Variants in RBFOX3 observed in about 807,000 individuals in gnomAD.
RBFOX3 encodes RNA binding fox-1 homolog 3, also known as RNA binding protein fox-1 homolog 3.
Under a neutral mutation model 48.7 loss-of-function variants are expected in RBFOX3, and 17 were observed. That is an observed-to-expected ratio of 0.35 (90% CI 0.24 to 0.52). RBFOX3 has a LOEUF of 0.52. Among genes scored for constraint, RBFOX3 ranks in the 20% least tolerant of loss-of-function variants. The probability of loss-of-function intolerance (pLI) is 0.94; values close to 1 mark genes in which losing one functional copy is unlikely to be tolerated. For synonymous variants in RBFOX3, 212 were observed against 209.5 expected (o/e 1.01, Z -0.10); for missense variants, 382 against 497.5 (o/e 0.77, Z 2.21).
At chr17:79,508,131 G>A (rs1351082722) in intron 1 of RBFOX3, among the ~76,000 whole-genome samples, 4 of 152,334 alleles carry the variant, frequency 2.6e-5, no homozygotes, top group Non-Finnish European at 5.9e-5. Context: ...CGGTGAAACC[G>A]GGGCAGAAAG....
At chr17:79,349,066 C>T (rs1360088433) in intron 2 of RBFOX3, among the ~76,000 whole-genome samples, 1 of 152,104 alleles carries the variant, frequency 6.6e-6, no homozygotes, top group Non-Finnish European at 1.5e-5. Context: ...CAACTCACTG[C>T]CAAGTCCAGT....
chr17:79,585,536 G>A (rs919297564), intron 1 of RBFOX3, among the ~76,000 whole-genome samples: 8 of 152,142 alleles, frequency 5.3e-5, no homozygotes, highest in East Asian at 1.9e-4. Flanking sequence ...CAGCCTGGGC[G>A]ACAACAGCGA....
At chr17:79,486,304 G>A (rs1008968576) in intron 1 of RBFOX3, among the ~76,000 whole-genome samples, 2 of 152,280 alleles carry the variant, frequency 1.3e-5, no homozygotes, top group East Asian at 1.9e-4. Flanking sequence ...GGGACAAAAG[G>A]GTCCAGTCTG....
chr17:79,235,028 G>C (rs1199471657), intron 4 of RBFOX3: 1 of 152,020 alleles, frequency 6.6e-6, no homozygotes, highest in East Asian at 1.9e-4. Flanking sequence ...CACCAAGCCC[G>C]GTCCATTAAA....
At chr17:79,396,215 A>C (rs958478061) in intron 2 of RBFOX3, among the ~76,000 whole-genome samples, 1 of 152,214 alleles carries the variant, frequency 6.6e-6, no homozygotes, top group African/African-American at 2.4e-5. Context: ...AGTGGAAGGA[A>C]AGATACCCTT....
At chr17:79,427,498 G>A (rs1356206625) in intron 2 of RBFOX3, among the ~76,000 whole-genome samples, 10 of 152,208 alleles carry the variant, frequency 6.6e-5, no homozygotes, top group African/African-American at 1.7e-4. Flanking sequence ...GGCCGAATAC[G>A]CTTGGGAGCT....
intron 4 of RBFOX3, chr17:79,234,453 T>C (rs535417659): frequency 6.6e-6 from 1 of 152,276 alleles, no homozygotes; most frequent in East Asian, 1.9e-4. Flanking sequence ...CCAACTTTTC[T>C]AGTTTTGGCT....
At position 79,477,353 on chromosome 17, in the gene RBFOX3, G is replaced by C. The variant is rs1376363195; in HGVS notation, c.-175+5101C>G. Reference sequence around the variant, plus strand: ...AGGTGGATCACGAGGTCAGGAGATCGAGATCATCCTGGCTAACACGGTGAA... The same window carrying C: ...AGGTGGATCACGAGGTCAGGAGATCCAGATCATCCTGGCTAACACGGTGAA... On this transcript the variant is annotated intron_variant, in intron 2 of 14. Coordinates refer to ENST00000693108, the MANE Select transcript of RBFOX3 (RefSeq NM_001350451.2). This position sits in a 1 kb window ranked among gnomAD's most constrained non-coding sequence, Gnocchi z 4.8. Among the ~76,000 whole-genome samples the C allele has an allele frequency of 3.3e-5, 5 of 150,538 alleles. No individual in the cohort carries two copies. The highest frequency in any genetic ancestry group is 2.0e-4 in the Admixed American group (3 of 15,132).
chr17:79,510,803 T>A (rs1323577476), intron 1 of RBFOX3, among the ~76,000 whole-genome samples: 2 of 152,160 alleles, frequency 1.3e-5, no homozygotes, highest in African/African-American at 4.8e-5. Context: ...CCAGGCACAG[T>A]GGAGGGCAGG....
chr17:79,114,123 G>A (rs545457537), intron 5 of RBFOX3, among the ~76,000 whole-genome samples: 1 of 152,320 alleles, frequency 6.6e-6, no homozygotes, highest in African/African-American at 2.4e-5. Context: ...ACTGGAGTCA[G>A]TCAGAAGGAG....
At chr17:79,340,322 A>AACAC (rs1234763088) in intron 2 of RBFOX3, among the ~76,000 whole-genome samples, 1 of 144,122 alleles carries the variant, frequency 6.9e-6, no homozygotes, top group Non-Finnish European at 1.5e-5. Context: ...AAAAACAAAA[A>AACAC]CAAAACTCTC....
chr17:79,478,357 G>A lies in RBFOX3; in HGVS notation c.-175+4097C>T, dbSNP rs370446178. 2.0e-4 allele frequency among the ~76,000 whole-genome samples: 31 copies of A among 152,270 alleles called. 1 individual carries two copies. The highest frequency in any genetic ancestry group is 1.9e-3 in the East Asian group (10 of 5,176). ...TGGATAGTGTAAGCTGCACTACCAC[G>A]GCAGGCTCACACTCAGCCCCATGGC... On this transcript the variant is annotated intron_variant, in intron 2 of 14. Transcript: ENST00000693108.
intron 2 of RBFOX3, among the ~76,000 whole-genome samples, chr17:79,386,725 G>A (rs530416940): frequency 6.6e-6 from 1 of 152,220 alleles, no homozygotes; most frequent in East Asian, 1.9e-4. Context: ...TTGGGGTCCA[G>A]CCCCTCCAGG....
chr17:79,383,059 C>CAT (rs1308440791), intron 2 of RBFOX3, among the ~76,000 whole-genome samples: 1 of 151,856 alleles, frequency 6.6e-6, no homozygotes, highest in East Asian at 1.9e-4. Context: ...CACACACACA[C>CAT]ACACACACAC....
chr17:79,543,388 T>A (rs2089983573), intron 1 of RBFOX3, among the ~76,000 whole-genome samples: 1 of 152,024 alleles, frequency 6.6e-6, no homozygotes, highest in South Asian at 2.1e-4. Context: ...TGGTGCACAG[T>A]GAAAGGACGC....
rs1387110002 is a variant in RBFOX3, at chr17:79,443,639, T to G, written c.-175+38815A>C. On this transcript the variant is annotated intron_variant, in intron 2 of 14. Coordinates refer to ENST00000693108, the MANE Select transcript of RBFOX3 (RefSeq NM_001350451.2). The surrounding 1 kb of genome is among the most constrained non-coding windows in gnomAD (Gnocchi z 4.4). Reference sequence around the variant, plus strand: ...CTCAGGTGATCCACCCGCCTCGGCCTCCCAAAGTGCTGGGATTACAGGCAT... The same window carrying G: ...CTCAGGTGATCCACCCGCCTCGGCCGCCCAAAGTGCTGGGATTACAGGCAT... Among the ~76,000 whole-genome samples the G allele has an allele frequency of 1.3e-5, 2 of 152,176 alleles. No individual in the cohort carries two copies. The highest frequency in any genetic ancestry group is 4.8e-5 in the African/African-American group (2 of 41,438).
At chr17:79,156,358 C>T (rs1169651803) in intron 4 of RBFOX3, among the ~76,000 whole-genome samples, 1 of 152,158 alleles carries the variant, frequency 6.6e-6, no homozygotes, top group Non-Finnish European at 1.5e-5. Flanking sequence ...CCGGGGCCTA[C>T]ACCAGAGGAA....
At chr17:79,295,790 C>T (rs1567994029) in intron 3 of RBFOX3, among the ~76,000 whole-genome samples, 2 of 152,116 alleles carry the variant, frequency 1.3e-5, no homozygotes, top group Non-Finnish European at 2.9e-5. Context: ...TAGTACCTTC[C>T]CTTCCCTGGC....
At chr17:79,404,181 G>A (rs2148468350) in intron 2 of RBFOX3, among the ~76,000 whole-genome samples, 1 of 152,354 alleles carries the variant, frequency 6.6e-6, no homozygotes, top group Non-Finnish European at 1.5e-5. Context: ...ATTTGGGGGA[G>A]CCTGAGGGGG....
Sources: allele counts gnomAD v4.1 joint callset (sites outside exome capture counted in the v4.1 genomes callset), GRCh38; gene constraint gnomAD v4.1.1; non-coding constraint Gnocchi (gnomAD v3.1); transcripts MANE v1.5; gene names NCBI Gene and HGNC (gene_info 2026-07-23, HGNC 2026-07-21).